RBFOX1: variants seen among roughly 807,000 people sequenced by gnomAD.
RBFOX1 encodes RNA binding protein fox-1 homolog 1.
Under a neutral mutation model 57.7 loss-of-function variants are expected in RBFOX1, and 8 were observed. The ratio of observed to expected loss-of-function variants is 0.14; its 90% CI spans 0.08 to 0.25. The LOEUF (loss-of-function observed/expected upper bound fraction) is 0.25. Among genes scored for constraint, RBFOX1 ranks in the 10% least tolerant of loss-of-function variants. The pLI is 1.00. For missense variants in RBFOX1, 611 were observed against 548.5 expected, an observed-to-expected ratio of 1.11 and a Z score of -1.14; for synonymous variants, 326 against 222.4, an observed-to-expected ratio of 1.47 and a Z score of -4.15.
chr16:6,765,072 C>G (rs985732071), intron 3 of RBFOX1, among the ~76,000 whole-genome samples: 7 of 151,674 alleles, frequency 4.6e-5, no homozygotes, highest in Non-Finnish European at 8.8e-5. Context: ...AATCTAAAGT[C>G]CTAAAGAATG....
intron 2 of RBFOX1, among the ~76,000 whole-genome samples, chr16:6,504,936 A>G (rs1191705708): frequency 6.6e-6 from 1 of 151,918 alleles, no homozygotes; most frequent in Admixed American, 6.6e-5. Context: ...TAACTGGGCT[A>G]GTGGCAGGTG....
At position 6,478,413 on chromosome 16, in the gene RBFOX1, ATATATATATATATATATTT is replaced by A. The variant is rs1238923149; in HGVS notation, c.-64+161358_-64+161376del. ...AATATATATATATATATATATATAT[ATATATATATATATATATTT>A]TTTTTTTTTTTTTTTGTATTTTTAG... is the stretch of plus-strand genomic sequence containing the variant. On this transcript the variant is annotated intron_variant, in intron 2 of 15. Transcript: ENST00000550418. Among the ~76,000 whole-genome samples the A allele has an allele frequency of 1.5e-3, 33 of 21,902 alleles. 2 individuals are homozygous for A. Among genetic ancestry groups the A allele is most frequent in the South Asian group, 2.4e-3 (1 of 412 alleles). The allele number at this position is 21,902 out of a possible 152,430, so 14.4% of individuals were successfully genotyped here. A position where few individuals can be genotyped will look rare whatever the true frequency, so the allele number is the denominator to read the frequency against.
chr16:7,588,554 A>G (rs1306169811), intron 7 of RBFOX1, among the ~76,000 whole-genome samples: 1 of 152,162 alleles, frequency 6.6e-6, no homozygotes, highest in Admixed American at 6.5e-5. Context: ...GCTATTAGGA[A>G]TTTTAAGTTC....
intron 3 of RBFOX1, among the ~76,000 whole-genome samples, chr16:5,689,360 CA>C (rs1290721480): frequency 6.6e-6 from 1 of 152,182 alleles, no homozygotes; most frequent in Non-Finnish European, 1.5e-5. Flanking sequence ...GGGCATAGTA[CA>C]GTGCCTGGGT....
At chr16:5,803,899 T>C (rs866992993) in intron 3 of RBFOX1, among the ~76,000 whole-genome samples, 3 of 152,180 alleles carry the variant, frequency 2.0e-5, no homozygotes, top group African/African-American at 7.2e-5. Flanking sequence ...TCCACACCTT[T>C]GCATATACTG....
chr16:7,660,634 A>C (rs147378581), intron 12 of RBFOX1, among the ~76,000 whole-genome samples: 2 of 152,236 alleles, frequency 1.3e-5, no homozygotes, highest in Middle Eastern at 3.2e-3. Context: ...AAAGTAAAAT[A>C]ACACTTGGAG....
intron 3 of RBFOX1, among the ~76,000 whole-genome samples, chr16:6,982,595 C>A (rs1417982984): frequency 6.6e-6 from 1 of 152,204 alleles, no homozygotes; most frequent in East Asian, 1.9e-4. Context: ...ATGAGTTGAA[C>A]AGTTGTTTGT....
chr16:5,897,025 T>A (rs1274536034), intron 4 of RBFOX1, among the ~76,000 whole-genome samples: 35 of 22,826 alleles, frequency 1.5e-3, no homozygotes, highest in Admixed American at 5.4e-3. Context: ...GCTTTTTTTT[T>A]TTTTTTTTTT....
At chr16:7,385,145 C>T (rs1189903441) in intron 4 of RBFOX1, among the ~76,000 whole-genome samples, 2 of 152,204 alleles carry the variant, frequency 1.3e-5, no homozygotes, top group African/African-American at 2.4e-5. Flanking sequence ...CCAGGTCATA[C>T]AGGATTTTGT....
At chr16:6,777,482 T>C (rs886128632) in intron 3 of RBFOX1, among the ~76,000 whole-genome samples, 1 of 152,182 alleles carries the variant, frequency 6.6e-6, no homozygotes, top group African/African-American at 2.4e-5. Flanking sequence ...ACTTATTTTT[T>C]AATGATTTTA....
rs190079894 is a variant in RBFOX1 at position 6,148,977 on chromosome 16, A to G, written c.-127+128985A>G. Among the ~76,000 whole-genome samples the G allele has an allele frequency of 3.3e-5, 5 of 152,260 alleles. No individual in the cohort carries two copies. The East Asian group carries it at 9.7e-4, about 29-fold the overall frequency. On this transcript the variant is annotated intron_variant, in intron 1 of 15. Coordinates refer to ENST00000550418, the MANE Select transcript of RBFOX1 (RefSeq NM_018723.4). ...CACAACGTAGAAGAAAAAAAAGAAA[A>G]GGGGGCCTCACACCTCATTTGTTCA...
Position 5,384,991 on chromosome 16 carries a change from C to T in RBFOX1, c.220-82225C>T, listed in dbSNP as rs148373348. ...ACAAAATCGCTTACTGCAATCTTTCCCCCTCAGTGTTTTGAGGAAAACCAC... is the reference window on the plus strand; with the variant it reads ...ACAAAATCGCTTACTGCAATCTTTCTCCCTCAGTGTTTTGAGGAAAACCAC... On this transcript the variant is annotated intron_variant, in intron 1 of 2. Coordinates refer to the RBFOX1 transcript ENST00000585867. 2.5e-3 allele frequency among the ~76,000 whole-genome samples: 375 copies of T among 152,296 alleles called. 4 individuals carry two copies. The highest frequency in any genetic ancestry group is 4.7e-3 in the Non-Finnish European group (317 of 68,028).
intron 3 of RBFOX1, among the ~76,000 whole-genome samples, chr16:5,609,963 A>G (rs1051817460): frequency 6.6e-6 from 1 of 152,154 alleles, no homozygotes; most frequent in Non-Finnish European, 1.5e-5. Flanking sequence ...CTTCTCTGCA[A>G]CGTTTTCCTT....
intron 3 of RBFOX1, among the ~76,000 whole-genome samples, chr16:6,782,434 C>T (rs537754318): frequency 2.0e-5 from 3 of 152,042 alleles, no homozygotes; most frequent in African/African-American, 4.8e-5. Flanking sequence ...TATTTAATTT[C>T]CATGTATTTA....
chr16:6,771,613 G>A (rs1489881344), intron 3 of RBFOX1, among the ~76,000 whole-genome samples: 1 of 152,194 alleles, frequency 6.6e-6, no homozygotes, highest in Non-Finnish European at 1.5e-5. Context: ...TAACTCAGCA[G>A]TTCTCAACTG....
chr16:5,467,251 T>C, exon 2 of RBFOX1: 1 of 1,496,424 alleles, frequency 6.7e-7, no homozygotes, highest in Non-Finnish European at 9.0e-7. Flanking sequence ...TGGTTGAGGG[T>C]CAGGTAAGTG....
intron 2 of RBFOX1, among the ~76,000 whole-genome samples, chr16:6,558,026 T>G (rs2097128991): frequency 1.3e-5 from 2 of 152,182 alleles, no homozygotes; most frequent in Admixed American, 6.5e-5. Context: ...CTAGGAAAAT[T>G]GAGATCTATT....
intron 2 of RBFOX1, among the ~76,000 whole-genome samples, chr16:6,579,215 T>C (rs2097495872): frequency 6.6e-6 from 1 of 152,198 alleles, no homozygotes; most frequent in South Asian, 2.1e-4. Flanking sequence ...TTGTTGTTTT[T>C]GTTTTTGAGA....
chr16:5,389,007 C>T (rs990453243), intron 1 of RBFOX1, among the ~76,000 whole-genome samples: 9 of 151,402 alleles, frequency 5.9e-5, no homozygotes, highest in South Asian at 2.1e-4. Flanking sequence ...TTGGCTAACA[C>T]GGTGAAACCC....
Sources: gnomAD v4.1 joint callset for allele counts (sites outside exome capture counted in the v4.1 genomes callset) on GRCh38, gnomAD v4.1.1 for gene constraint, MANE v1.5 for transcripts, NCBI Gene and HGNC (gene_info 2026-07-23, HGNC 2026-07-21) for gene names.